STARD13: variants seen among roughly 807,000 people sequenced by gnomAD.
STARD13 encodes stAR-related lipid transfer protein 13.
A neutral mutation model predicts 106.4 loss-of-function variants in STARD13; 62 were observed. The observed-to-expected ratio is 0.58, with a 90% confidence interval of 0.48 to 0.72. The LOEUF (loss-of-function observed/expected upper bound fraction) is 0.72, where lower values mean the gene tolerates loss of function less well. Among genes scored for constraint, STARD13 ranks in the 30% least tolerant of loss-of-function variants. The pLI, the probability that STARD13 is intolerant of heterozygous loss-of-function variation, is 0.00. For synonymous variants in STARD13, 565 were observed against 553.0 expected (o/e 1.02, Z -0.31); for missense variants, 1,387 against 1,424.0 (o/e 0.97, Z 0.42).
chr13:33,441,069 T>C, the STARD13 span, among the ~76,000 whole-genome samples: 15 of 151,990 alleles, frequency 9.9e-5, no homozygotes, highest in Admixed American at 4.6e-4. Flanking sequence ...CTATGTTCCC[T>C]CTGTCTTGGT....
chr13:33,484,001 A>T, the STARD13 span, among the ~76,000 whole-genome samples: 19 of 152,246 alleles, frequency 1.2e-4, no homozygotes, highest in African/African-American at 4.1e-4. Flanking sequence ...TTATTATTAA[A>T]AAATTCCAAT....
chr13:33,285,758 A>G, upstream of STARD13: 1 of 1,488,162 alleles, frequency 6.7e-7, no homozygotes, highest in Non-Finnish European at 8.9e-7. Context: ...CGATTTTTAA[A>G]AAGAAAGAGG....
the STARD13 span, among the ~76,000 whole-genome samples, chr13:33,432,457 T>G: frequency 1.3e-5 from 2 of 152,108 alleles, no homozygotes; most frequent in African/African-American, 4.8e-5. Context: ...CACGGTTGCC[T>G]GGGGGAAGGG....
In STARD13 at chr13:33,104,089, A is replaced by G. The variant is rs1873404920; in HGVS notation, c.*1504T>C. 6.6e-6 allele frequency: 1 copy of G among 152,226 alleles called. No homozygotes were observed. Among genetic ancestry groups the G allele is most frequent in the Admixed American group, 6.5e-5 (1 of 15,282 alleles). 9.4% of individuals were successfully genotyped at this position (152,226 alleles called of 1,614,324 possible). ...GCATATAATGCAAAAAAACCTGAAAACACTCATTTGCTTTTCTTTTTTTCT... is the reference window on the plus strand; with the variant it reads ...GCATATAATGCAAAAAAACCTGAAAGCACTCATTTGCTTTTCTTTTTTTCT... On this transcript the variant is annotated 3_prime_UTR_variant, in exon 14 of 14. Transcript: ENST00000336934.
chr13:33,376,929 G>T, the STARD13 span, among the ~76,000 whole-genome samples: 1,572 of 152,316 alleles, frequency 0.01, 41 homozygotes, highest in African/African-American at 0.036. Context: ...TAGAAGACAG[G>T]CCTGGGGCCA....
At chr13:33,282,289 C>A (rs1891827040) in intron 1 of STARD13, among the ~76,000 whole-genome samples, 1 of 152,074 alleles carries the variant, frequency 6.6e-6, no homozygotes, top group African/African-American at 2.4e-5. Context: ...GAATTGCAAC[C>A]CCAGAACTAA....
the STARD13 span, among the ~76,000 whole-genome samples, chr13:33,532,178 T>G: frequency 1.2e-4 from 19 of 152,160 alleles, no homozygotes; most frequent in African/African-American, 4.6e-4. Context: ...TGTGCCCTTT[T>G]TGCTACAAAG....
the STARD13 span, among the ~76,000 whole-genome samples, chr13:33,373,669 A>C: frequency 2.6e-5 from 4 of 152,170 alleles, no homozygotes; most frequent in Non-Finnish European, 5.9e-5. Flanking sequence ...TAAGATATAC[A>C]AATGGCCAAT....
chr13:33,145,416 T>C (rs894073022), intron 3 of STARD13, among the ~76,000 whole-genome samples: 2 of 152,246 alleles, frequency 1.3e-5, no homozygotes, highest in Admixed American at 6.5e-5. Context: ...GAAAACAGTT[T>C]GGCAGTCTCT....
Position 33,106,895 on chromosome 13 carries a change from C to G in STARD13, c.3087G>C (p.Leu1029=), listed in dbSNP as rs1446427466. ...KTDLPKGMCT[L]VSLSVEHEEA... ...CCTCATGCTCCACGGAGAGGGACAC[C>G]AGGGTACACATTCCTTTGGGCAAAT... is the stretch of plus-strand genomic sequence containing the variant. Residue 1029 remains leucine (L), a synonymous_variant, in exon 13 of 14, where the codon CTG becomes CTC. Transcript: ENST00000336934. The G allele has an allele frequency of 5.0e-6, 8 of 1,614,000 alleles. No individual in the cohort carries two copies. Among genetic ancestry groups the G allele is most frequent in the East Asian group, 2.2e-5 (1 of 44,902 alleles).
chr13:33,350,024 C>T (rs1199317876), intron 1 of STARD13, among the ~76,000 whole-genome samples: 2 of 152,202 alleles, frequency 1.3e-5, no homozygotes, highest in African/African-American at 2.4e-5. Flanking sequence ...CCAGGTAACC[C>T]GTCCCGCGGC....
chr13:33,561,200 T>G, the STARD13 span, among the ~76,000 whole-genome samples: 3 of 151,464 alleles, frequency 2.0e-5, no homozygotes, highest in Non-Finnish European at 4.4e-5. Flanking sequence ...GATGTTAGCC[T>G]TGCATGAAGA....
intron 1 of STARD13, among the ~76,000 whole-genome samples, chr13:33,259,587 G>A (rs1309693847): frequency 2.0e-5 from 3 of 152,136 alleles, no homozygotes; most frequent in Non-Finnish European, 4.4e-5. Flanking sequence ...AGTGGTTTGT[G>A]CATTCTTATT....
chr13:33,612,324 T>A, the STARD13 span, among the ~76,000 whole-genome samples: 1 of 152,184 alleles, frequency 6.6e-6, no homozygotes, highest in African/African-American at 2.4e-5. Flanking sequence ...GGCGAGTCCT[T>A]AAGACACTTG....
the STARD13 span, among the ~76,000 whole-genome samples, chr13:33,555,134 T>C: frequency 6.6e-6 from 1 of 152,334 alleles, no homozygotes; most frequent in South Asian, 2.1e-4. Context: ...GGTTTCAAAA[T>C]GTGTTTAAGG....
chr13:33,256,189 G>A (rs1295274672), intron 1 of STARD13, among the ~76,000 whole-genome samples: 2 of 152,194 alleles, frequency 1.3e-5, no homozygotes, highest in East Asian at 3.8e-4. Flanking sequence ...CCAGCCCTGG[G>A]CTGTGACCAC....
chr13:33,134,343 C>T (rs1238147651), intron 4 of STARD13, among the ~76,000 whole-genome samples: 1 of 152,208 alleles, frequency 6.6e-6, no homozygotes, highest in Non-Finnish European at 1.5e-5. Flanking sequence ...TGTTGGGGCA[C>T]ATCCAAAGCT....
the STARD13 span, among the ~76,000 whole-genome samples, chr13:33,391,840 A>G: frequency 6.6e-6 from 1 of 152,128 alleles, no homozygotes; most frequent in East Asian, 1.9e-4. Flanking sequence ...CCTTCCTGCC[A>G]CATGGAAGAG....
chr13:33,524,616 G>A, the STARD13 span, among the ~76,000 whole-genome samples: 1 of 151,988 alleles, frequency 6.6e-6, no homozygotes, highest in South Asian at 2.1e-4. Flanking sequence ...TAAACTAAAA[G>A]TGATTGTAAA....
Sources: allele counts gnomAD v4.1 joint callset (sites outside exome capture counted in the v4.1 genomes callset), GRCh38; gene constraint gnomAD v4.1.1; transcripts MANE v1.5; gene names NCBI Gene and HGNC (gene_info 2026-07-23, HGNC 2026-07-21).